RNF130: variants seen among roughly 807,000 people sequenced by gnomAD.
RNF130 encodes E3 ubiquitin-protein ligase RNF130.
Under a neutral mutation model 44.6 loss-of-function variants are expected in RNF130, and 21 were observed. The ratio of observed to expected loss-of-function variants is 0.47; its 90% CI spans 0.33 to 0.68. The LOEUF is 0.68. Ranked by LOEUF, RNF130 falls within the 30% of genes least tolerant of loss-of-function variation. The pLI is 0.02. For missense variants in RNF130, 479 were observed against 560.6 expected, an observed-to-expected ratio of 0.85 and a Z score of 1.47; for synonymous variants, 214 against 210.4, an observed-to-expected ratio of 1.02 and a Z score of -0.15.
At chr5:179,978,330 T>C (rs1383970173) in intron 4 of RNF130, 45 bp from the exon 5 acceptor site, 3 of 1,295,696 alleles carry the variant, frequency 2.3e-6, no homozygotes, top group Non-Finnish European at 3.4e-6. Context: ...GCTGCAAGTA[T>C]ATAAATGGTT....
At position 180,071,251 on chromosome 5, in the gene RNF130, G is replaced by T. The variant is rs148281907; in HGVS notation, c.247+205C>A. Reference sequence around the variant, plus strand: ...TGACCGTTCCAAGTCTTTTTTAAAAGAAGGGAAAAACCCAGTCACGCTCCT... The same window carrying T: ...TGACCGTTCCAAGTCTTTTTTAAAATAAGGGAAAAACCCAGTCACGCTCCT... On this transcript the variant is annotated intron_variant, in intron 1 of 8. Transcript: ENST00000521389. Among the ~76,000 whole-genome samples the T allele has an allele frequency of 2.5e-3, 378 of 152,362 alleles. 2 individuals carry two copies. The highest frequency in any genetic ancestry group is 3.7e-3 in the East Asian group (19 of 5,184).
intron 1 of RNF130, among the ~76,000 whole-genome samples, chr5:180,069,820 C>T (rs751244133): frequency 6.6e-6 from 1 of 152,212 alleles, no homozygotes; most frequent in African/African-American, 2.4e-5. Context: ...TAATCTTCAT[C>T]CATACCTCAA....
At chr5:179,996,556 T>A (rs1763201294) in intron 3 of RNF130, among the ~76,000 whole-genome samples, 1 of 152,254 alleles carries the variant, frequency 6.6e-6, no homozygotes, top group Non-Finnish European at 1.5e-5. Context: ...TTTTTCTGCA[T>A]CTACTGGCAT....
intron 3 of RNF130, among the ~76,000 whole-genome samples, chr5:179,999,559 T>C (rs920149056): frequency 5.3e-5 from 8 of 151,864 alleles, no homozygotes; most frequent in Admixed American, 3.9e-4. Flanking sequence ...CTGTCTCTAC[T>C]AAAAATACAA....
intron 2 of RNF130, among the ~76,000 whole-genome samples, chr5:180,026,834 G>A (rs941418594): frequency 2.0e-5 from 3 of 152,182 alleles, no homozygotes; most frequent in Non-Finnish European, 2.9e-5. Context: ...GCTGACCACT[G>A]CAGAGAACCG....
At chr5:179,913,190 T>TTTC (rs1407966469) in exon 8 of RNF130, 1 of 152,346 alleles carries the variant, frequency 6.6e-6, no homozygotes, top group African/African-American at 2.4e-5. Flanking sequence ...GGCGTCTGGC[T>TTTC]ACGGGCGCCG....
rs1304938171 is a variant in RNF130 at position 179,996,604 on chromosome 5, T to C, written c.694-16404A>G. On this transcript the variant is annotated intron_variant, in intron 3 of 8. Transcript: ENST00000521389. ...TTTGTTCTTCATTCTGTTGATGTGATGCATCGCATTTATGGATTTGCATAT... is the reference window on the plus strand; with the variant it reads ...TTTGTTCTTCATTCTGTTGATGTGACGCATCGCATTTATGGATTTGCATAT... Among the ~76,000 whole-genome samples the C allele has an allele frequency of 2.6e-5, 4 of 152,270 alleles. No individual in the cohort carries two copies. The East Asian group carries it at 7.7e-4, about 29-fold the overall frequency.
chr5:179,969,096 A>G (rs184536563), intron 6 of RNF130, among the ~76,000 whole-genome samples: 8 of 152,362 alleles, frequency 5.3e-5, no homozygotes, highest in African/African-American at 1.9e-4. Flanking sequence ...GGATCAAACT[A>G]AACTTTTTGT....
intron 2 of RNF130, among the ~76,000 whole-genome samples, chr5:180,027,733 T>C (rs1764023451): frequency 6.6e-6 from 1 of 152,190 alleles, no homozygotes; most frequent in South Asian, 2.1e-4. Context: ...TTGCCACCAC[T>C]GGTTCCCTCC....
At chr5:180,040,701 TTATC>T in intron 1 of RNF130, 54 bp from the exon 2 acceptor site, 1 of 1,514,172 alleles carries the variant, frequency 6.6e-7, no homozygotes, top group South Asian at 1.2e-5. Flanking sequence ...GACCAAGTCT[TTATC>T]AAAGTGTCAA....
intron 8 of RNF130, among the ~76,000 whole-genome samples, chr5:179,962,596 C>G (rs1762357972): frequency 6.6e-6 from 1 of 152,092 alleles, no homozygotes; most frequent in South Asian, 2.1e-4. Flanking sequence ...GAACGATATC[C>G]TCAGTAAATG....
At chr5:180,036,722 CTG>C (rs1293718955) in intron 2 of RNF130, among the ~76,000 whole-genome samples, 3 of 152,146 alleles carry the variant, frequency 2.0e-5, no homozygotes, top group Non-Finnish European at 4.4e-5. Flanking sequence ...CCCTACTTCT[CTG>C]TTATTTTTAA....
At position 179,970,422 on chromosome 5, in the gene RNF130, G is replaced by A; in HGVS notation, c.933C>T (p.Ala311=). 3 of 1,610,558 alleles carry A rather than the reference G, an allele frequency of 1.9e-6. No homozygotes were observed. Among genetic ancestry groups the A allele is most frequent in the Non-Finnish European group, 2.5e-6 (3 of 1,178,086 alleles). ...ATAGGAAACGTACCACAATTCCCAG[G>A]GCCTTCAATATATTAAGTTTGCACA... is the stretch of plus-strand genomic sequence containing the variant. The part of the protein sequence containing the change: ...CPMCKLNILK[A]LGIVPNLPCT... The change falls in exon 6 of 9, where the codon GCC becomes GCT. Residue 311 remains alanine, a synonymous_variant. Coordinates refer to ENST00000521389, the MANE Select transcript of RNF130 (RefSeq NM_018434.6).
chr5:179,925,719 G>A (rs1761698738), intron 7 of RNF130, among the ~76,000 whole-genome samples: 1 of 152,080 alleles, frequency 6.6e-6, no homozygotes, highest in Non-Finnish European at 1.5e-5. Flanking sequence ...CTTTTGTAGA[G>A]CCAGGGTCTT....
chr5:180,053,877 T>C (rs900453851), intron 1 of RNF130, among the ~76,000 whole-genome samples: 28 of 151,302 alleles, frequency 1.9e-4, no homozygotes, highest in African/African-American at 6.6e-4. Flanking sequence ...TCGCCCAGGC[T>C]GGAGTACAGT....
intron 8 of RNF130, chr5:179,956,015 G>A (rs888624452): frequency 1.4e-5 from 3 of 210,058 alleles, no homozygotes; most frequent in East Asian, 1.0e-4. Context: ...GAAATCTGCC[G>A]CTGTTGTCTT....
intron 7 of RNF130, among the ~76,000 whole-genome samples, chr5:179,939,192 G>A (rs985468183): frequency 1.3e-5 from 2 of 152,048 alleles, no homozygotes; most frequent in Non-Finnish European, 2.9e-5. Context: ...ACTCCAGCCT[G>A]GGATACAGAG....
chr5:179,953,932 T>C (rs546668475), downstream of RNF130, among the ~76,000 whole-genome samples: 5 of 152,192 alleles, frequency 3.3e-5, no homozygotes, highest in Non-Finnish European at 7.4e-5. Flanking sequence ...TAAAAATGGG[T>C]AAAGCACCGG....
At chr5:180,066,709 T>C (rs550201946) in intron 1 of RNF130, among the ~76,000 whole-genome samples, 4 of 152,206 alleles carry the variant, frequency 2.6e-5, no homozygotes, top group African/African-American at 9.6e-5. Context: ...TGGTGGCACA[T>C]GCCTGTAATC....
Sources: allele counts gnomAD v4.1 joint callset (sites outside exome capture counted in the v4.1 genomes callset), GRCh38; gene constraint gnomAD v4.1.1; transcripts MANE v1.5; gene names NCBI Gene and HGNC (gene_info 2026-07-23, HGNC 2026-07-21).